Variants in TRHDE observed in about 807,000 individuals in gnomAD.
TRHDE encodes thyrotropin-releasing hormone-degrading ectoenzyme.
A neutral mutation model predicts 125.7 loss-of-function variants in TRHDE; 72 were observed. The ratio of observed to expected loss-of-function variants is 0.57; its 90% CI spans 0.47 to 0.70. The LOEUF is 0.70. TRHDE is among the 30% of genes least tolerant of loss of function. TRHDE has a pLI of 0.00. For synonymous variants in TRHDE, 509 were observed against 509.1 expected, an observed-to-expected ratio of 1.00 and a Z score of 0.00; for missense variants, 1,110 against 1,327.1, an observed-to-expected ratio of 0.84 and a Z score of 2.54.
intron 2 of TRHDE, among the ~76,000 whole-genome samples, chr12:72,107,123 T>C (rs1875206753): frequency 6.6e-6 from 1 of 152,288 alleles, no homozygotes; most frequent in South Asian, 2.1e-4. Flanking sequence ...TTTTAATTAA[T>C]TCTGTTCCTA....
intron 2 of TRHDE, chr12:72,262,614 C>T (rs1432991782): frequency 6.6e-6 from 1 of 152,102 alleles, no homozygotes; most frequent in Non-Finnish European, 1.5e-5. Context: ...CATCTACTTG[C>T]AACTATATCT....
intron 2 of TRHDE, among the ~76,000 whole-genome samples, chr12:72,368,586 T>C (rs1241433361): frequency 2.0e-5 from 3 of 152,166 alleles, no homozygotes; most frequent in Admixed American, 6.6e-5. Flanking sequence ...CATGTTATTG[T>C]GTCTCCCCCA....
At chr12:72,424,152 T>A (rs1255058116) in intron 3 of TRHDE, among the ~76,000 whole-genome samples, 1 of 152,126 alleles carries the variant, frequency 6.6e-6, no homozygotes, top group African/African-American at 2.4e-5. Context: ...AATAGGGGCA[T>A]CCATGCTCTG....
intron 2 of TRHDE, among the ~76,000 whole-genome samples, chr12:72,373,588 T>C (rs1047395769): frequency 2.0e-5 from 3 of 152,166 alleles, no homozygotes; most frequent in African/African-American, 7.2e-5. Flanking sequence ...TTTTGCTAAA[T>C]GGTGGTAAGT....
At chr12:72,662,584 C>T (rs963232137) in intron 18 of TRHDE, among the ~76,000 whole-genome samples, 10 of 152,044 alleles carry the variant, frequency 6.6e-5, no homozygotes, top group Non-Finnish European at 1.3e-4. Flanking sequence ...AGCCCAATAC[C>T]ACTCATTTGG....
intron 15 of TRHDE, among the ~76,000 whole-genome samples, chr12:72,631,973 T>C (rs1047732863): frequency 3.3e-5 from 5 of 151,920 alleles, no homozygotes; most frequent in Non-Finnish European, 7.4e-5. Flanking sequence ...AAGTAGTACG[T>C]TGATGGATAA....
chr12:72,534,430 A>G (rs1868739035), intron 6 of TRHDE, among the ~76,000 whole-genome samples: 1 of 152,054 alleles, frequency 6.6e-6, no homozygotes, highest in Admixed American at 6.6e-5. Flanking sequence ...GTCTCCTATT[A>G]TCTTGAGTAT....
intron 2 of TRHDE, among the ~76,000 whole-genome samples, chr12:72,369,866 C>A (rs185103721): frequency 6.6e-6 from 1 of 152,028 alleles, no homozygotes; most frequent in South Asian, 2.1e-4. Flanking sequence ...TGTCAGAAAA[C>A]GCTGCAAATA....
intron 6 of TRHDE, among the ~76,000 whole-genome samples, chr12:72,540,982 T>C (rs1869118695): frequency 6.6e-6 from 1 of 151,658 alleles, no homozygotes; most frequent in South Asian, 2.1e-4. Flanking sequence ...AGTCTGAGTA[T>C]TGCACTACAT....
chr12:72,525,570 T>C (rs1045311656), intron 6 of TRHDE, among the ~76,000 whole-genome samples: 14 of 151,472 alleles, frequency 9.2e-5, no homozygotes, highest in African/African-American at 3.4e-4. Context: ...CTTGAAATAC[T>C]ATACTAGACT....
intron 2 of TRHDE, among the ~76,000 whole-genome samples, chr12:72,178,340 A>C (rs890632769): frequency 1.3e-5 from 2 of 152,144 alleles, no homozygotes; most frequent in Non-Finnish European, 2.9e-5. Context: ...AATAATGGTA[A>C]CAGCATCGAT....
At chr12:72,305,258 G>A (rs1868322808) in intron 2 of TRHDE, among the ~76,000 whole-genome samples, 1 of 151,998 alleles carries the variant, frequency 6.6e-6, no homozygotes. Context: ...ATGCTCAGTA[G>A]GAAATAATAA....
At chr12:72,643,434 C>T (rs1874150779) in intron 15 of TRHDE, among the ~76,000 whole-genome samples, 1 of 152,134 alleles carries the variant, frequency 6.6e-6, no homozygotes, top group Non-Finnish European at 1.5e-5. Flanking sequence ...TTGTAAAGCA[C>T]ATTCAAAGTA....
chr12:72,378,040 G>A lies in TRHDE; in HGVS notation c.1234G>A (p.Asp412Asn). 3 of 1,606,770 alleles carry A rather than the reference G, an allele frequency of 1.9e-6. No homozygotes were observed. The highest frequency in any genetic ancestry group is 2.6e-6 in the Non-Finnish European group (3 of 1,175,630). Residue 412 changes from aspartate (D) to asparagine (N), a missense_variant, in exon 3 of 19, where the codon GAC (aspartate) becomes AAC (asparagine). Physicochemically the swap from Asp to Asn is conservative, Grantham distance 23 (BLOSUM62 1). Transcript: ENST00000261180. ...RPDAIRRGSGDYALHITKRLI... is the reference protein window; with the variant it reads ...RPDAIRRGSGNYALHITKRLI... Reference sequence around the variant, plus strand: ...TGATGCTATCAGAAGAGGATCCGGGGACTATGCTCTCCATATAACAAAGAG... The same window carrying A: ...TGATGCTATCAGAAGAGGATCCGGGAACTATGCTCTCCATATAACAAAGAG...
chr12:72,580,188 A>G (rs1263327587), intron 12 of TRHDE, among the ~76,000 whole-genome samples: 4 of 152,126 alleles, frequency 2.6e-5, no homozygotes, highest in Non-Finnish European at 5.9e-5. Context: ...ATTTGTCTTC[A>G]TTTATTCAGG....
At chr12:72,498,247 GA>G (rs1371849263) in intron 5 of TRHDE, among the ~76,000 whole-genome samples, 2 of 152,050 alleles carry the variant, frequency 1.3e-5, no homozygotes, top group Non-Finnish European at 2.9e-5. Flanking sequence ...AAATGAGTAT[GA>G]AAAAAATCTT....
intron 9 of TRHDE, among the ~76,000 whole-genome samples, chr12:72,567,481 A>G (rs541270604): frequency 1.3e-5 from 2 of 152,096 alleles, no homozygotes; most frequent in South Asian, 2.1e-4. Context: ...AATGCAAAAC[A>G]TGGAATAATA....
rs758188151 is a variant in TRHDE, at chr12:72,473,168, T to C, written c.1572T>C (p.Pro524=). 2.5e-6 allele frequency: 4 copies of C among 1,613,454 alleles called. No individual in the cohort carries two copies. The South Asian group carries it at 3.3e-5, about 13-fold the overall frequency. Residue 524 remains proline (P), a synonymous_variant, in exon 5 of 19, where the codon CCT becomes CCC. Coordinates refer to ENST00000261180, the MANE Select transcript of TRHDE (RefSeq NM_013381.3). The part of the protein sequence containing the change: ...FEFVGTDYLY[P]GWNMEKQRFL... ...TTGTTGGTACAGACTACCTCTATCC[T>C]GGCTGGAACATGGTAAGTGCACTTG...
Position 72,621,113 on chromosome 12 carries a change from T to C in TRHDE, c.2475T>C (p.Tyr825=), listed in dbSNP as rs1873033898. ...RMENYNIFNE[Y]ILKQVATTYI... The stretch of plus-strand genomic sequence containing the variant: ...TTATTCTATACCCCATTTAGGAATA[T>C]ATTTTAAAGCAAGTTGCAACAACAT... Residue 825 remains tyrosine (Y), a synonymous_variant, in exon 14 of 19, where the codon TAT becomes TAC. Coordinates refer to ENST00000261180, the MANE Select transcript of TRHDE (RefSeq NM_013381.3). 2 of 1,595,860 alleles carry C rather than the reference T, an allele frequency of 1.3e-6. No individual in the cohort carries two copies. Among genetic ancestry groups the C allele is most frequent in the African/African-American group, 1.4e-5 (1 of 73,870 alleles).
Sources: gnomAD v4.1 joint callset for allele counts (sites outside exome capture counted in the v4.1 genomes callset) on GRCh38, gnomAD v4.1.1 for gene constraint, MANE v1.5 for transcripts, NCBI Gene and HGNC (gene_info 2026-07-23, HGNC 2026-07-21) for gene names.